The following USO1 variants were observed in gnomAD, a reference collection of about 807,000 sequenced individuals.
USO1 encodes the protein general vesicular transport factor p115.
USO1 carries 57 observed loss-of-function variants against 124.5 expected under a neutral mutation model. That is an observed-to-expected ratio of 0.46 (90% CI 0.37 to 0.57). The LOEUF (loss-of-function observed/expected upper bound fraction) is 0.57. Ranked by LOEUF, USO1 falls within the 20% of genes least tolerant of loss-of-function variation. USO1 has a pLI of 0.00. For missense variants in USO1, 900 were observed against 1,040.6 expected (o/e 0.86, Z 1.86); for synonymous variants, 369 against 362.8 (o/e 1.02, Z -0.19).
chr4:75,813,139 A>G (rs1723197474), intron 23 of USO1, 67 bp from the exon 24 acceptor site: 14 of 1,527,472 alleles, frequency 9.2e-6, no homozygotes, highest in Non-Finnish European at 1.2e-5. Flanking sequence ...TCAGTAGTAT[A>G]TATTGTTAAA....
chr4:75,804,710 G>A (rs1722946118), intron 18 of USO1, among the ~76,000 whole-genome samples: 1 of 152,180 alleles, frequency 6.6e-6, no homozygotes, highest in Non-Finnish European at 1.5e-5. Context: ...TCTGCAAAAT[G>A]AAGATAGTAA....
chr4:75,768,431 G>T (rs955422542), intron 4 of USO1, among the ~76,000 whole-genome samples: 1 of 141,010 alleles, frequency 7.1e-6, no homozygotes, highest in Non-Finnish European at 1.6e-5. Flanking sequence ...TTTAATTTCC[G>T]ATTGTCATTA....
At chr4:75,726,559 C>G (rs1002575775) in intron 1 of USO1, among the ~76,000 whole-genome samples, 4 of 128,016 alleles carry the variant, frequency 3.1e-5, no homozygotes, top group Non-Finnish European at 5.2e-5. Context: ...CATGAAGAGA[C>G]TCCATCTCAA....
intron 1 of USO1, among the ~76,000 whole-genome samples, chr4:75,727,061 G>T (rs1720484697): frequency 6.6e-6 from 1 of 152,232 alleles, no homozygotes; most frequent in South Asian, 2.1e-4. Context: ...TTTACTATGT[G>T]TGGGTTGAAC....
At chr4:75,729,627 C>T (rs1720573042) in intron 1 of USO1, among the ~76,000 whole-genome samples, 2 of 152,182 alleles carry the variant, frequency 1.3e-5, no homozygotes, top group Admixed American at 6.5e-5. Context: ...AGGCGTGAGC[C>T]ACTGCGCCCA....
chr4:75,761,387 C>T (rs1170907104), intron 4 of USO1, among the ~76,000 whole-genome samples: 11 of 152,062 alleles, frequency 7.2e-5, no homozygotes, highest in Non-Finnish European at 2.9e-5. Flanking sequence ...ATACCCACTG[C>T]ACTCAAGGCT....
intron 12 of USO1, among the ~76,000 whole-genome samples, chr4:75,792,636 G>T (rs1226982157): frequency 6.6e-6 from 1 of 152,082 alleles, no homozygotes; most frequent in Admixed American, 6.6e-5. Context: ...GGTCGAGGCT[G>T]CAGTGAACTG....
intron 7 of USO1, among the ~76,000 whole-genome samples, chr4:75,773,477 A>G (rs1271838104): frequency 6.6e-6 from 1 of 152,204 alleles, no homozygotes; most frequent in African/African-American, 2.4e-5. Context: ...CTATAAGTTC[A>G]TGTAATTTGC....
chr4:75,757,799 C>CT (rs1379082255), intron 4 of USO1, among the ~76,000 whole-genome samples: 1 of 151,998 alleles, frequency 6.6e-6, no homozygotes. Flanking sequence ...TAAGATCCTT[C>CT]TTTTTAACTA....
chr4:75,731,250 T>C (rs563828043), intron 1 of USO1, among the ~76,000 whole-genome samples: 204 of 152,320 alleles, frequency 1.3e-3, no homozygotes, highest in Admixed American at 2.4e-3. Flanking sequence ...GTCTTCTCAG[T>C]AACAGAGTTA....
At chr4:75,802,966 C>A (rs1172654736) in intron 17 of USO1, among the ~76,000 whole-genome samples, 15 of 149,734 alleles carry the variant, frequency 1.0e-4, no homozygotes, top group Non-Finnish European at 2.1e-4. Flanking sequence ...TGCCTATAAT[C>A]CCAGCTACTC....
At chr4:75,743,103 G>A (rs1721013324) in intron 1 of USO1, among the ~76,000 whole-genome samples, 1 of 151,260 alleles carries the variant, frequency 6.6e-6, no homozygotes, top group Non-Finnish European at 1.5e-5. Flanking sequence ...TCCTGCCTCA[G>A]CCTCCCGAGT....
At chr4:75,762,384 G>A (rs990229794) in intron 4 of USO1, among the ~76,000 whole-genome samples, 3 of 151,724 alleles carry the variant, frequency 2.0e-5, no homozygotes, top group East Asian at 1.9e-4. Flanking sequence ...GGATGGTCTC[G>A]ATCTCCAGAC....
At chr4:75,745,410 A>G in intron 1 of USO1, 1 of 455,764 alleles carries the variant, frequency 2.2e-6, no homozygotes, top group South Asian at 1.7e-5. Flanking sequence ...CTTTGTTACT[A>G]AAAAAAAATT....
At chr4:75,806,034 C>G (rs1560462399) in intron 19 of USO1, among the ~76,000 whole-genome samples, 1 of 151,958 alleles carries the variant, frequency 6.6e-6, no homozygotes, top group Non-Finnish European at 1.5e-5. Context: ...TCTGTTAGCC[C>G]AGTCTGGAGC....
chr4:75,754,714 A>G (rs943801281), intron 3 of USO1, among the ~76,000 whole-genome samples: 1 of 152,160 alleles, frequency 6.6e-6, no homozygotes, highest in Non-Finnish European at 1.5e-5. Context: ...TCATGCCTAC[A>G]CAGGCCAAAA....
chr4:75,810,288 T>C, intron 21 of USO1, 144 bp from the exon 22 acceptor site: 1 of 906,392 alleles, frequency 1.1e-6, no homozygotes. Flanking sequence ...GAGAGCACTT[T>C]GTTGCACATA....
intron 10 of USO1, among the ~76,000 whole-genome samples, chr4:75,789,200 T>G (rs576286079): frequency 1.3e-5 from 2 of 152,358 alleles, no homozygotes; most frequent in East Asian, 3.9e-4. Context: ...CACTGAGCAC[T>G]TTCAGCTGGA....
chr4:75,804,039 T>G lies in USO1; in HGVS notation c.1987-95T>G, dbSNP rs142166939. The G allele has an allele frequency of 1.7e-5, 25 of 1,465,182 alleles. No individual in the cohort carries two copies. The East Asian group carries it at 5.9e-4, about 34-fold the overall frequency. 90.8% of individuals were successfully genotyped at this position (1,465,182 alleles called of 1,614,324 possible). On this transcript the variant is annotated intron_variant, in intron 17 of 23. Transcript: ENST00000514213. The stretch of plus-strand genomic sequence containing the variant: ...GGAAGTGTTAAGCACTTTAGCATAC[T>G]GTCCCAAAATGACCTCTAATTTTTA...
Sources: gnomAD v4.1 joint callset for allele counts (sites outside exome capture counted in the v4.1 genomes callset) on GRCh38, gnomAD v4.1.1 for gene constraint, MANE v1.5 for transcripts, NCBI Gene and HGNC (gene_info 2026-07-23, HGNC 2026-07-21) for gene names.